The following TMEM132D variants were observed in gnomAD, a reference collection of about 807,000 sequenced individuals.
The protein encoded by TMEM132D is mature OL transmembrane protein.
In TMEM132D, 21 loss-of-function variants were observed where a neutral mutation model predicts 62.3. That is an observed-to-expected ratio of 0.34 (90% CI 0.24 to 0.49). TMEM132D has a LOEUF of 0.49. Among genes scored for constraint, TMEM132D ranks in the 20% least tolerant of loss-of-function variants. The pLI, the probability that TMEM132D is intolerant of heterozygous loss-of-function variation, is 0.99. For synonymous variants in TMEM132D, 621 were observed against 575.6 expected (o/e 1.08, Z -1.13); for missense variants, 1,346 against 1,402.8 (o/e 0.96, Z 0.65).
intron 1 of TMEM132D, among the ~76,000 whole-genome samples, chr12:129,833,761 C>G (rs1243899661): frequency 2.6e-5 from 4 of 152,230 alleles, no homozygotes; most frequent in Non-Finnish European, 5.9e-5. Flanking sequence ...AATTTCAGCT[C>G]TAGCTTCCAC....
chr12:129,608,047 A>T (rs1024154184), intron 2 of TMEM132D, among the ~76,000 whole-genome samples: 3 of 152,174 alleles, frequency 2.0e-5, no homozygotes, highest in African/African-American at 7.2e-5. Flanking sequence ...TGGGGGAAAA[A>T]CAGATAACAC....
At chr12:129,359,560 T>C (rs1593350532) in intron 3 of TMEM132D, among the ~76,000 whole-genome samples, 1 of 152,192 alleles carries the variant, frequency 6.6e-6, no homozygotes, top group East Asian at 1.9e-4. Context: ...AAGAAAAGAA[T>C]ATGCAGCATA....
intron 5 of TMEM132D, among the ~76,000 whole-genome samples, chr12:129,187,866 C>T (rs1403940022): frequency 6.6e-6 from 1 of 152,216 alleles, no homozygotes; most frequent in African/African-American, 2.4e-5. Context: ...TTTCTGGCCA[C>T]TTGTGTGTAA....
chr12:129,801,271 C>G (rs1593167237), intron 1 of TMEM132D, among the ~76,000 whole-genome samples: 1 of 152,164 alleles, frequency 6.6e-6, no homozygotes. Context: ...GGGCAGGGCA[C>G]AGACAAATAA....
chr12:129,707,022 A>G (rs2398467), intron 1 of TMEM132D, among the ~76,000 whole-genome samples: 5,380 of 151,396 alleles, frequency 0.036, 264 homozygotes, highest in African/African-American at 0.099. Context: ...CTAAACACTC[A>G]AAATGAGAAA....
chr12:129,209,562 C>T lies in TMEM132D; in HGVS notation c.1401G>A (p.Leu467=). The stretch of plus-strand genomic sequence containing the variant: ...CAGACGATCTACACTCCACAGACTC[C>T]AGCAGCTCTGTCACTGTGCCGTCGT... The part of the protein sequence containing the change: ...VEDDGTVTEL[L]ESVECRSSDE... Residue 467 remains leucine (L), a synonymous_variant, in exon 5 of 9, where the codon CTG becomes CTA. Transcript: ENST00000422113. 2 of 1,614,198 alleles carry T rather than the reference C, an allele frequency of 1.2e-6. No individual in the cohort carries two copies. The highest frequency in any genetic ancestry group is 1.7e-6 in the Non-Finnish European group (2 of 1,180,022).
At chr12:129,570,737 G>T (rs562515186) in intron 2 of TMEM132D, among the ~76,000 whole-genome samples, 1 of 152,216 alleles carries the variant, frequency 6.6e-6, no homozygotes, top group Non-Finnish European at 1.5e-5. Context: ...TGTTATTGGT[G>T]GTTGTTATTC....
intron 2 of TMEM132D, among the ~76,000 whole-genome samples, chr12:129,562,421 T>G (rs112452864): frequency 6.6e-5 from 10 of 152,260 alleles, no homozygotes; most frequent in African/African-American, 2.4e-4. Context: ...AAACAGATCA[T>G]TTTACAGGTA....
intron 2 of TMEM132D, among the ~76,000 whole-genome samples, chr12:129,669,029 T>A (rs1371524811): frequency 6.6e-6 from 1 of 152,204 alleles, no homozygotes; most frequent in East Asian, 1.9e-4. Flanking sequence ...TTTGCCCAAC[T>A]CATAGGTATT....
chr12:129,806,563 G>C (rs1871989685), intron 1 of TMEM132D, among the ~76,000 whole-genome samples: 1 of 111,988 alleles, frequency 8.9e-6, no homozygotes, highest in Non-Finnish European at 1.8e-5. Flanking sequence ...GGAGGGGGGA[G>C]GGATAGCATT....
intron 2 of TMEM132D, among the ~76,000 whole-genome samples, chr12:129,560,321 G>A (rs916222895): frequency 1.7e-4 from 25 of 150,254 alleles, no homozygotes; most frequent in Non-Finnish European, 3.1e-4. Context: ...CCAGGCTGGA[G>A]TGCAGTGGCA....
chr12:129,337,779 A>G lies in TMEM132D; in HGVS notation c.1154T>C (p.Val385Ala), dbSNP rs1421739048. The G allele has an allele frequency of 1.2e-6, 2 of 1,613,748 alleles. No individual in the cohort carries two copies. Among genetic ancestry groups the G allele is most frequent in the East Asian group, 4.5e-5 (2 of 44,870 alleles). Residue 385 changes from valine (V) to alanine (A), a missense_variant, in exon 4 of 9, where the codon GTG becomes GCG. By Grantham distance (64) the Val-to-Ala change is moderately conservative. Coordinates refer to ENST00000422113, the MANE Select transcript of TMEM132D (RefSeq NM_133448.3). ...CAGGTCACCAGGCTCTTCCACCTCCACATCGATCTGCATGACCTCGTAGGA... is the reference window on the plus strand; with the variant it reads ...CAGGTCACCAGGCTCTTCCACCTCCGCATCGATCTGCATGACCTCGTAGGA... ...GASYEVMQID[V>A]EVEEPGDLPA...
At chr12:129,766,566 AC>A (rs1290079278) in intron 1 of TMEM132D, among the ~76,000 whole-genome samples, 1 of 152,154 alleles carries the variant, frequency 6.6e-6, no homozygotes, top group Non-Finnish European at 1.5e-5. Flanking sequence ...GCCCTTTCTT[AC>A]CTATAGCAAG....
intron 2 of TMEM132D, among the ~76,000 whole-genome samples, chr12:129,664,991 A>G (rs997350642): frequency 6.6e-6 from 1 of 152,044 alleles, no homozygotes; most frequent in African/African-American, 2.4e-5. Flanking sequence ...TCAGGTGTAG[A>G]GAGGACCCAG....
intron 2 of TMEM132D, among the ~76,000 whole-genome samples, chr12:129,674,761 G>A (rs1040720530): frequency 7.9e-5 from 12 of 151,992 alleles, no homozygotes; most frequent in Admixed American, 1.3e-4. Flanking sequence ...GACTGGTCTC[G>A]AACTCCTGAC....
At chr12:129,425,518 C>T (rs4759878) in intron 3 of TMEM132D, among the ~76,000 whole-genome samples, 27,800 of 151,724 alleles carry the variant, frequency 0.18, 3,018 homozygotes, top group Non-Finnish European at 0.25. Context: ...TGCAAAACAT[C>T]TTGGAAACAC....
At chr12:129,479,696 G>A (rs908689962) in intron 3 of TMEM132D, among the ~76,000 whole-genome samples, 1 of 152,262 alleles carries the variant, frequency 6.6e-6, no homozygotes, top group Non-Finnish European at 1.5e-5. Context: ...AACGCTGGGG[G>A]TGATGTGAGT....
At chr12:129,369,259 G>A (rs1046979682) in intron 3 of TMEM132D, among the ~76,000 whole-genome samples, 3 of 152,156 alleles carry the variant, frequency 2.0e-5, no homozygotes, top group Admixed American at 6.5e-5. Flanking sequence ...GGAAAATAAC[G>A]TGTGTCTTCC....
chr12:129,392,173 T>C (rs1247087571), intron 3 of TMEM132D, among the ~76,000 whole-genome samples: 2 of 152,114 alleles, frequency 1.3e-5, no homozygotes, highest in Admixed American at 1.3e-4. Flanking sequence ...TTCTCCAGCC[T>C]CAGCCTCCTG....
Sources: gnomAD v4.1 joint callset for allele counts (sites outside exome capture counted in the v4.1 genomes callset) on GRCh38, gnomAD v4.1.1 for gene constraint, MANE v1.5 for transcripts, NCBI Gene and HGNC (gene_info 2026-07-23, HGNC 2026-07-21) for gene names.